The following PDZD2 variants were observed in gnomAD, a reference collection of about 807,000 sequenced individuals.
The protein encoded by PDZD2 is PDZ domain-containing protein 2.
Under a neutral mutation model 220.7 loss-of-function variants are expected in PDZD2, and 90 were observed. The observed-to-expected ratio is 0.41, with a 90% CI of 0.34 to 0.49. PDZD2 has a LOEUF of 0.49. Among genes scored for constraint, PDZD2 ranks in the 20% least tolerant of loss-of-function variants. The pLI is 0.28. For missense variants in PDZD2, 3,174 were observed against 3,608.5 expected, an observed-to-expected ratio of 0.88 and a Z score of 3.08; for synonymous variants, 1,375 against 1,450.5, an observed-to-expected ratio of 0.95 and a Z score of 1.18.
chr5:31,841,350 C>G (rs1757290724), intron 2 of PDZD2, among the ~76,000 whole-genome samples: 1 of 152,126 alleles, frequency 6.6e-6, no homozygotes, highest in African/African-American at 2.4e-5. Flanking sequence ...CCCCACTAAG[C>G]CAGGCTTTCC....
intron 1 of PDZD2, among the ~76,000 whole-genome samples, chr5:31,777,591 T>C (rs1580735274): frequency 6.6e-6 from 1 of 152,230 alleles, no homozygotes; most frequent in Non-Finnish European, 1.5e-5. Context: ...CTGAGTCAGG[T>C]GGGGACTTGG....
At position 31,712,103 on chromosome 5, in the gene PDZD2, G is replaced by A. The variant is rs566006522; in HGVS notation, c.-361+72666G>A. On this transcript the variant is annotated intron_variant, in intron 1 of 24. Transcript: ENST00000438447. The stretch of plus-strand genomic sequence containing the variant: ...TCGGGTTGGACGTGGTAAGGCCAGG[G>A]TACTTATAGGGATCAGGGTAAGAAC... The A allele has an allele frequency of 5.9e-3, 905 of 152,538 alleles. 7 individuals carry two copies. The highest frequency in any genetic ancestry group is 6.9e-3 in the Non-Finnish European group (469 of 68,088). The allele number at this position is 152,538 out of a possible 1,614,324, so 9.4% of individuals were successfully genotyped here. A position where few individuals can be genotyped will look rare whatever the true frequency, so the allele number is the denominator to read the frequency against.
At chr5:32,041,917 A>C (rs1186291594) in intron 7 of PDZD2, among the ~76,000 whole-genome samples, 1 of 151,192 alleles carries the variant, frequency 6.6e-6, no homozygotes, top group Non-Finnish European at 1.5e-5. Flanking sequence ...GCAAAAAAAA[A>C]AAAAAAAAAC....
intron 2 of PDZD2, among the ~76,000 whole-genome samples, chr5:31,830,341 T>TTTTA (rs1311473776): frequency 4.0e-4 from 58 of 146,584 alleles, no homozygotes; most frequent in Middle Eastern, 3.4e-3. Flanking sequence ...AATTTTTTTT[T>TTTTA]TTTTTTTTGT....
chr5:32,084,224 A>G (rs1395028156), intron 19 of PDZD2, among the ~76,000 whole-genome samples: 1 of 152,176 alleles, frequency 6.6e-6, no homozygotes, highest in Admixed American at 6.6e-5. Context: ...GGGGATCTCG[A>G]CGATCCAACC....
At chr5:31,988,700 GA>G (rs11321555) in intron 3 of PDZD2, among the ~76,000 whole-genome samples, 4,669 of 152,282 alleles carry the variant, frequency 0.031, 252 homozygotes, top group African/African-American at 0.11. Context: ...AGCTATCCCT[GA>G]TATCCAGTTT....
At chr5:31,919,519 G>T (rs1212548471) in intron 2 of PDZD2, among the ~76,000 whole-genome samples, 1 of 151,926 alleles carries the variant, frequency 6.6e-6, no homozygotes, top group African/African-American at 2.4e-5. Flanking sequence ...GCTAATTTTT[G>T]TATTTTTGGT....
intron 2 of PDZD2, among the ~76,000 whole-genome samples, chr5:31,901,520 T>C (rs1269737162): frequency 6.6e-6 from 1 of 152,088 alleles, no homozygotes; most frequent in Non-Finnish European, 1.5e-5. Context: ...CCTCAAACAA[T>C]TTTCAGTACC....
intron 1 of PDZD2, among the ~76,000 whole-genome samples, chr5:31,731,152 G>T (rs1483352289): frequency 6.6e-6 from 1 of 152,074 alleles, no homozygotes; most frequent in Non-Finnish European, 1.5e-5. Flanking sequence ...CCTTTTCAGG[G>T]TGTCTGGTAT....
intron 2 of PDZD2, among the ~76,000 whole-genome samples, chr5:31,901,296 T>C (rs1266998920): frequency 6.6e-6 from 1 of 151,918 alleles, no homozygotes; most frequent in Non-Finnish European, 1.5e-5. Flanking sequence ...CATGTGCCTG[T>C]AATCCCACCT....
intron 14 of PDZD2, among the ~76,000 whole-genome samples, chr5:32,062,748 T>C (rs560937553): frequency 6.6e-5 from 10 of 152,078 alleles, no homozygotes; most frequent in Non-Finnish European, 7.4e-5. Context: ...ACTCACACAA[T>C]TGTTCTGTAA....
At chr5:31,862,782 C>T (rs1009901103) in intron 2 of PDZD2, among the ~76,000 whole-genome samples, 1 of 152,116 alleles carries the variant, frequency 6.6e-6, no homozygotes, top group African/African-American at 2.4e-5. Flanking sequence ...GGCTGGAGTG[C>T]AGTGGCCTGA....
At chr5:31,702,799 T>C (rs1747661084) in intron 1 of PDZD2, among the ~76,000 whole-genome samples, 1 of 152,240 alleles carries the variant, frequency 6.6e-6, no homozygotes, top group Non-Finnish European at 1.5e-5. Flanking sequence ...ATAGTGTGTT[T>C]ACTGACTACC....
intron 13 of PDZD2, 74 bp downstream of exon 13, chr5:32,059,430 C>A: frequency 1.4e-6 from 1 of 706,752 alleles, no homozygotes; most frequent in South Asian, 2.1e-5. Context: ...GATATTTGTT[C>A]TATTACTTCC....
At chr5:31,716,456 G>T (rs1223676265) in intron 1 of PDZD2, among the ~76,000 whole-genome samples, 1 of 152,132 alleles carries the variant, frequency 6.6e-6, no homozygotes, top group Non-Finnish European at 1.5e-5. Context: ...TGTCTTTATT[G>T]TGGTTTTTGA....
chr5:31,956,587 TAAATA>T (rs1192288768), intron 2 of PDZD2, among the ~76,000 whole-genome samples: 1 of 144,624 alleles, frequency 6.9e-6, no homozygotes, highest in Non-Finnish European at 1.5e-5. Flanking sequence ...TAAATATAAA[TAAATA>T]AAATAAAAAT....
At position 31,983,483 on chromosome 5, in the gene PDZD2, G is replaced by T. The variant is rs776024794; in HGVS notation, c.805G>T (p.Gly269Cys). 1.4e-5 allele frequency: 23 copies of T among 1,614,034 alleles called. No individual in the cohort carries two copies. The South Asian group carries it at 2.2e-4, about 15-fold the overall frequency. ...CGGCCATGTCTTTCAGCTAGAAAAT[G>T]GCCCAGATTCTCTCAAGGAGGTGGC... is the stretch of plus-strand genomic sequence containing the variant. The part of the protein sequence containing the change: ...GNGHVFQLEN[G>C]PDSLKEVAGP... Residue 269 changes from glycine (G) to cysteine (C), a missense_variant, in exon 3 of 25, where the codon GGC (glycine) becomes TGC (cysteine). By Grantham distance (159) the Gly-to-Cys change is radical (BLOSUM62 -3). Coordinates refer to ENST00000438447, the MANE Select transcript of PDZD2 (RefSeq NM_178140.4).
intron 2 of PDZD2, among the ~76,000 whole-genome samples, chr5:31,933,706 G>T (rs868086661): frequency 6.6e-6 from 1 of 152,208 alleles, no homozygotes; most frequent in African/African-American, 2.4e-5. Flanking sequence ...GCCCTGTGAT[G>T]TTGGAAAGCT....
intron 1 of PDZD2, among the ~76,000 whole-genome samples, chr5:31,720,967 T>C (rs969914729): frequency 6.6e-6 from 1 of 152,064 alleles, no homozygotes; most frequent in African/African-American, 2.4e-5. Context: ...CTAGTTTCTG[T>C]GGGTAGCCTT....
Sources: allele counts gnomAD v4.1 joint callset (sites outside exome capture counted in the v4.1 genomes callset), GRCh38; gene constraint gnomAD v4.1.1; transcripts MANE v1.5; gene names NCBI Gene and HGNC (gene_info 2026-07-23, HGNC 2026-07-21).